TOGARAM1: variants seen among roughly 807,000 people sequenced by gnomAD.
TOGARAM1 encodes the protein TOG array regulator of axonemal microtubules 1, also known as TOG array regulator of axonemal microtubules protein 1.
In TOGARAM1, 100 loss-of-function variants were observed where a neutral mutation model predicts 166.6. The ratio of observed to expected loss-of-function variants is 0.60; its 90% CI spans 0.51 to 0.71. The LOEUF is 0.71. TOGARAM1 is among the 30% of genes least tolerant of loss of function. The pLI is 0.00. For missense variants in TOGARAM1, 2,029 were observed against 2,102.7 expected, an observed-to-expected ratio of 0.96 and a Z score of 0.69; for synonymous variants, 758 against 763.8, an observed-to-expected ratio of 0.99 and a Z score of 0.13.
In TOGARAM1 at chr14:45,073,536, A is replaced by C; in HGVS notation, c.5297A>C (p.Asp1766Ala). The change falls in exon 20 of 20, where the codon GAT (aspartate) becomes GCT (alanine). Residue 1766 changes from aspartate (D) to alanine (A), a missense_variant. This residue lies in a region of TOGARAM1 where 576 missense variants were observed against 670.5 expected (regional missense o/e 0.86). Transcript: ENST00000361462. ...HIKKSLEELL[D>A]MTILNEL ...AAAAAGAGTTTGGAGGAATTACTCG[A>C]TATGACAATTTTAAATGAATTATGA... The C allele has an allele frequency of 6.2e-7, 1 of 1,613,566 alleles. No individual in the cohort carries two copies. The highest frequency in any genetic ancestry group is 8.5e-7 in the Non-Finnish European group (1 of 1,179,830).
intron 7 of TOGARAM1, 69 bp from the exon 8 acceptor site, chr14:45,025,714 A>G (rs1880796008): frequency 2.4e-6 from 2 of 829,928 alleles, no homozygotes; most frequent in Non-Finnish European, 4.0e-6. Flanking sequence ...CTATGTTACA[A>G]TATCCTAAGA....
At chr14:44,987,186 G>A (rs1007698672) in intron 1 of TOGARAM1, among the ~76,000 whole-genome samples, 10 of 151,416 alleles carry the variant, frequency 6.6e-5, no homozygotes, top group South Asian at 2.1e-4. Context: ...TGATCTGCCC[G>A]CCTCGGCCTC....
chr14:44,973,235 C>A (rs1415770900), intron 1 of TOGARAM1, among the ~76,000 whole-genome samples: 1 of 151,512 alleles, frequency 6.6e-6, no homozygotes, highest in Non-Finnish European at 1.5e-5. Context: ...AGTTATGCTG[C>A]TGCTCCTTTT....
intron 1 of TOGARAM1, among the ~76,000 whole-genome samples, chr14:44,967,525 A>G (rs1594601537): frequency 6.6e-6 from 1 of 152,240 alleles, no homozygotes; most frequent in Admixed American, 6.5e-5. Context: ...TTATTATTCA[A>G]ACAGCATGAT....
At chr14:45,020,984 A>G (rs1194276366) in intron 7 of TOGARAM1, among the ~76,000 whole-genome samples, 1 of 152,138 alleles carries the variant, frequency 6.6e-6, no homozygotes, top group Non-Finnish European at 1.5e-5. Context: ...GAGCCCAGTG[A>G]GGGTGGTATT....
Position 44,963,034 on chromosome 14 carries a change from A to T in TOGARAM1, c.613A>T (p.Ile205Leu). 6.2e-7 allele frequency: 1 copy of T among 1,614,174 alleles called. No individual in the cohort carries two copies. The highest frequency in any genetic ancestry group is 8.5e-7 in the Non-Finnish European group (1 of 1,180,032). ...GAAAGATGCGCTGCAGATCCTTCAT[A>T]TATGTCTGAAACGTAGTCCTGGAGA... ...LRKDALQILH[I>L]CLKRSPGEVL... The change falls in exon 1 of 20, where the codon ATA becomes TTA. Residue 205 changes from isoleucine (I) to leucine (L), a missense_variant. Coordinates refer to ENST00000361462, the MANE Select transcript of TOGARAM1 (RefSeq NM_001308120.2).
chr14:44,991,061 T>C (rs7493246), intron 1 of TOGARAM1, among the ~76,000 whole-genome samples: 23,594 of 148,598 alleles, frequency 0.16, 3,503 homozygotes, highest in African/African-American at 0.4. Flanking sequence ...CAGGCTCAAG[T>C]GATCCTCCCA....
chr14:45,004,326 T>C lies in TOGARAM1; in HGVS notation c.2604T>C (p.Leu868=). Residue 868 remains leucine (L), a synonymous_variant, in exon 4 of 20, where the codon CTT becomes CTC. Transcript: ENST00000361462. ...CAAAGCCAAGTCCACAGAAGAAGCT[T>C]GTCAGCCAAAAATCGTCTGATCCTA... ...GLSKPSPQKK[L]VSQKSSDPTG... 6.2e-7 allele frequency: 1 copy of C among 1,613,952 alleles called. No homozygotes were observed. Among genetic ancestry groups the C allele is most frequent in the Non-Finnish European group, 8.5e-7 (1 of 1,179,948 alleles).
chr14:45,050,378 G>A (rs535907312), intron 14 of TOGARAM1, among the ~76,000 whole-genome samples: 6 of 152,150 alleles, frequency 3.9e-5, no homozygotes, highest in South Asian at 4.2e-4. Flanking sequence ...TCAGCCTCCC[G>A]AGTAGCTGGG....
chr14:45,024,526 G>T (rs1880713476), intron 7 of TOGARAM1, among the ~76,000 whole-genome samples: 1 of 152,120 alleles, frequency 6.6e-6, no homozygotes, highest in African/African-American at 2.4e-5. Context: ...ACTCATTGGA[G>T]ATAACATGTC....
At chr14:45,009,199 G>A in intron 6 of TOGARAM1, 54 bp downstream of exon 6, 2 of 1,282,914 alleles carry the variant, frequency 1.6e-6, no homozygotes, top group South Asian at 1.3e-5. Context: ...TAGTGATTTA[G>A]AGCCCTAATA....
intron 7 of TOGARAM1, among the ~76,000 whole-genome samples, chr14:45,020,407 G>A (rs978799650): frequency 6.6e-6 from 1 of 152,142 alleles, no homozygotes; most frequent in Admixed American, 6.5e-5. Context: ...AGGTGACCAG[G>A]GAGTCGGCAA....
intron 2 of TOGARAM1, chr14:44,996,179 C>T: frequency 5.1e-6 from 1 of 194,884 alleles, no homozygotes; most frequent in South Asian, 1.8e-4. Context: ...TGGAGGTCTG[C>T]CTAATAGAGC....
At chr14:44,970,404 T>C (rs1378748812) in intron 1 of TOGARAM1, among the ~76,000 whole-genome samples, 1 of 152,202 alleles carries the variant, frequency 6.6e-6, no homozygotes, top group Non-Finnish European at 1.5e-5. Flanking sequence ...GCAAGCTTGC[T>C]ATAATATAAT....
chr14:45,011,355 C>T (rs760349082), intron 6 of TOGARAM1, among the ~76,000 whole-genome samples: 45 of 152,162 alleles, frequency 3.0e-4, no homozygotes, highest in Non-Finnish European at 6.0e-4. Context: ...CTGTGTCACT[C>T]AGGCTGGAGT....
At chr14:45,067,659 G>A (rs909787314) in intron 17 of TOGARAM1, among the ~76,000 whole-genome samples, 1 of 151,964 alleles carries the variant, frequency 6.6e-6, no homozygotes, top group Admixed American at 6.6e-5. Context: ...CTGAAGAAAA[G>A]AACCATATTA....
chr14:44,989,326 CT>C (rs1369660795), intron 1 of TOGARAM1, among the ~76,000 whole-genome samples: 1 of 152,094 alleles, frequency 6.6e-6, no homozygotes, highest in Non-Finnish European at 1.5e-5. Context: ...ACCATCCGTT[CT>C]TTAGCTTTAG....
intron 11 of TOGARAM1, among the ~76,000 whole-genome samples, chr14:45,033,401 A>T (rs1881271782): frequency 6.6e-6 from 1 of 152,202 alleles, no homozygotes; most frequent in African/African-American, 2.4e-5. Context: ...TGCAGGGCAG[A>T]TGCCTCTGTT....
intron 1 of TOGARAM1, among the ~76,000 whole-genome samples, chr14:44,981,790 C>G (rs1035680274): frequency 1.3e-5 from 2 of 150,914 alleles, no homozygotes; most frequent in African/African-American, 4.9e-5. Flanking sequence ...TTTATGAATA[C>G]AAGGTATAGA....
Sources: gnomAD v4.1 joint callset for allele counts (sites outside exome capture counted in the v4.1 genomes callset) on GRCh38, gnomAD v4.1.1 for gene constraint, gnomAD v4.1.1 regional missense constraint, MANE v1.5 for transcripts, NCBI Gene and HGNC (gene_info 2026-07-23, HGNC 2026-07-21) for gene names.